The following MRPL49 variants were observed in gnomAD, a reference collection of about 807,000 sequenced individuals.
MRPL49 encodes mitochondrial ribosomal protein L49.
MRPL49 carries 14 observed loss-of-function variants against 18.4 expected under a neutral mutation model. The observed-to-expected ratio is 0.76, with a 90% CI of 0.50 to 1.19. The LOEUF (loss-of-function observed/expected upper bound fraction) is 1.19. Among genes scored for constraint, MRPL49 ranks in the 50% most tolerant of loss-of-function variants. The probability of loss-of-function intolerance (pLI) is 0.00; values close to 1 mark genes in which losing one functional copy is unlikely to be tolerated. For synonymous variants in MRPL49, 104 were observed against 86.2 expected (o/e 1.21, Z -1.14); for missense variants, 190 against 217.8 (o/e 0.87, Z 0.80).
chr11:65,126,852 C>A lies in MRPL49; in HGVS notation c.*980C>A. 1.7e-6 allele frequency: 1 copy of A among 582,022 alleles called. No homozygotes were observed. Among genetic ancestry groups the A allele is most frequent in the South Asian group, 2.1e-5 (1 of 47,860 alleles). 36.1% of individuals were successfully genotyped at this position (582,022 alleles called of 1,614,324 possible). A position where few individuals can be genotyped will look rare whatever the true frequency, so the allele number is the denominator to read the frequency against. On this transcript the variant is annotated 3_prime_UTR_variant, in exon 4 of 4. Transcript: ENST00000279242. The stretch of plus-strand genomic sequence containing the variant: ...ACTCACAGCCAGCATAGGGACATCC[C>A]CCTGCAGCCTTCTGACCTGCAATCA...
At chr11:65,125,323 C>T (rs1041744621) in intron 2 of MRPL49, 165 bp from the exon 3 acceptor site, 2 of 806,338 alleles carry the variant, frequency 2.5e-6, no homozygotes, top group East Asian at 5.3e-5. Flanking sequence ...ACAATTTGGT[C>T]CTGACTCCAA....
chr11:65,124,415 G>T (rs565417401), intron 1 of MRPL49, 87 bp from the exon 2 acceptor site: 2 of 1,300,556 alleles, frequency 1.5e-6, no homozygotes, highest in African/African-American at 2.9e-5. Flanking sequence ...CTCTCTGCCT[G>T]TAATGTTTCC....
Position 65,126,889 on chromosome 11 carries a change from G to A in MRPL49, c.*1017G>A. 1 of 597,442 alleles carries A rather than the reference G, an allele frequency of 1.7e-6. No individual in the cohort carries two copies. The highest frequency in any genetic ancestry group is 3.0e-6 in the Non-Finnish European group (1 of 332,888). The allele number at this position is 597,442 out of a possible 1,614,324, so 37.0% of individuals were successfully genotyped here. A position where few individuals can be genotyped will look rare whatever the true frequency, so the allele number is the denominator to read the frequency against. ...CTGACCTGCAATCAAGGCTGGGGAGGGGTTTGCAGGCAGGAATATGCTGAC... is the reference window on the plus strand; with the variant it reads ...CTGACCTGCAATCAAGGCTGGGGAGAGGTTTGCAGGCAGGAATATGCTGAC... On this transcript the variant is annotated 3_prime_UTR_variant, in exon 4 of 4. Transcript: ENST00000279242.
intron 1 of MRPL49, 165 bp downstream of exon 1, chr11:65,122,589 T>G (rs540944800): frequency 1.9e-5 from 12 of 642,202 alleles, no homozygotes; most frequent in African/African-American, 1.8e-4. Flanking sequence ...AGAGGGAAAA[T>G]GGTAGACTGG....
Position 65,125,875 on chromosome 11 carries a change from C to T in MRPL49, c.*3C>T. ...GGCTCTTGGAGAAAGGCTTCTGAGG[C>T]CCAGCCGAGCAGCCTGCTTGTCAGC... On this transcript the variant is annotated 3_prime_UTR_variant, in exon 4 of 4. Transcript: ENST00000279242. The T allele has an allele frequency of 6.2e-7, 1 of 1,602,174 alleles. No homozygotes were observed. Among genetic ancestry groups the T allele is most frequent in the Non-Finnish European group, 8.5e-7 (1 of 1,172,996 alleles).
rs769845930 is a variant in MRPL49, at chr11:65,125,448, G to A, written c.230-40G>A. ...GGCCTTGGCTGAGGTGGGATGGCAC[G>A]TAGGAAGAGTTGATTTAACAGTGTC... On this transcript the variant is annotated intron_variant, in intron 2 of 3. Coordinates refer to ENST00000279242, the MANE Select transcript of MRPL49 (RefSeq NM_004927.4). 2.0e-5 allele frequency: 32 copies of A among 1,611,498 alleles called. No individual in the cohort carries two copies. In the East Asian group the frequency reaches 2.7e-4, roughly 13 times the overall value.
chr11:65,122,344 A>C lies in MRPL49; in HGVS notation c.-3A>C, dbSNP rs764635198. 2 of 1,612,184 alleles carry C rather than the reference A, an allele frequency of 1.2e-6. No homozygotes were observed. Among genetic ancestry groups the C allele is most frequent in the Non-Finnish European group, 1.7e-6 (2 of 1,179,364 alleles). ...GCACAGAAGGCTGGCGTAGCAGGTA[A>C]AGATGGCAGCTACCATGTTCCGGGC... On this transcript the variant is annotated 5_prime_UTR_variant, in exon 1 of 4. Coordinates refer to ENST00000279242, the MANE Select transcript of MRPL49 (RefSeq NM_004927.4).
At chr11:65,124,167 G>A (rs1352844089) in intron 1 of MRPL49, among the ~76,000 whole-genome samples, 1 of 152,220 alleles carries the variant, frequency 6.6e-6, no homozygotes, top group Non-Finnish European at 1.5e-5. Context: ...GATTACAGGC[G>A]TGAGCCACCT....
chr11:65,122,620 A>G, intron 1 of MRPL49, 196 bp downstream of exon 1: 1 of 589,818 alleles, frequency 1.7e-6, no homozygotes, highest in Admixed American at 3.0e-5. Context: ...GGGAGCACTT[A>G]ACACAGTGCC....
Position 65,127,104 on chromosome 11 carries a change from G to C in MRPL49, c.*1232G>C, listed in dbSNP as rs1382023302. The C allele has an allele frequency of 4.3e-6, 3 of 696,338 alleles. No individual in the cohort carries two copies. The highest frequency in any genetic ancestry group is 3.5e-5 in the African/African-American group (2 of 56,894). 43.1% of individuals were successfully genotyped at this position (696,338 alleles called of 1,614,324 possible). ...GCACTGAACTCTGGGCTGCTTCTCT[G>C]TGTGTAAAATGGGCACATCTTCCTA... On this transcript the variant is annotated 3_prime_UTR_variant, in exon 4 of 4. Transcript: ENST00000279242.
At chr11:65,122,319 G>T (rs576919827), upstream of MRPL49, 4 of 1,607,166 alleles carry the variant, frequency 2.5e-6, no homozygotes, top group Non-Finnish European at 2.5e-6. Context: ...ACAGTTGCGC[G>T]CACAGAAGGC....
At chr11:65,122,604 C>T (rs1948062896) in intron 1 of MRPL49, 180 bp downstream of exon 1, 1 of 608,832 alleles carries the variant, frequency 1.6e-6, no homozygotes, top group Non-Finnish European at 2.9e-6. Flanking sequence ...GACTGGGGTG[C>T]TCTTTGGGAG....
chr11:65,125,893 T>A lies in MRPL49; in HGVS notation c.*21T>A, dbSNP rs11546366. 0.037 allele frequency: 58,849 copies of A among 1,593,970 alleles called. 1,381 individuals are homozygous for A. The highest frequency in any genetic ancestry group is 0.057 in the East Asian group (2,524 of 44,516). On this transcript the variant is annotated 3_prime_UTR_variant, in exon 4 of 4. Coordinates refer to ENST00000279242, the MANE Select transcript of MRPL49 (RefSeq NM_004927.4). ...TCTGAGGCCCAGCCGAGCAGCCTGC[T>A]TGTCAGCATGCCCTGTGGATCAAGT...
chr11:65,122,443 G>A lies in MRPL49; in HGVS notation c.78+19G>A, dbSNP rs1164607552. ...GCTGTTGGTGAGAGCGCTGAGCGAGGAGCTGAGGGCATCGCGTGGGTGTGA... is the reference window on the plus strand; with the variant it reads ...GCTGTTGGTGAGAGCGCTGAGCGAGAAGCTGAGGGCATCGCGTGGGTGTGA... On this transcript the variant is annotated intron_variant, in intron 1 of 3. Transcript: ENST00000279242. 1 of 1,606,242 alleles carries A rather than the reference G, an allele frequency of 6.2e-7. No individual in the cohort carries two copies. The highest frequency in any genetic ancestry group is 1.1e-5 in the South Asian group (1 of 90,118).
intron 3 of MRPL49, 44 bp downstream of exon 3, chr11:65,125,656 G>A: frequency 2.5e-6 from 4 of 1,613,240 alleles, no homozygotes; most frequent in Non-Finnish European, 3.4e-6. Flanking sequence ...ACCCTTTCAG[G>A]GCTGAAGGGA....
In MRPL49 at chr11:65,127,154, C is replaced by T; in HGVS notation, c.*1282C>T. The T allele has an allele frequency of 1.6e-6, 1 of 640,092 alleles. No individual in the cohort carries two copies. Among genetic ancestry groups the T allele is most frequent in the Non-Finnish European group, 2.8e-6 (1 of 354,694 alleles). 39.7% of individuals were successfully genotyped at this position (640,092 alleles called of 1,614,324 possible). On this transcript the variant is annotated 3_prime_UTR_variant, in exon 4 of 4. Transcript: ENST00000279242. ...AATCTGTTAATGGTCAGTGGTGTCC[C>T]CAAGGATAGTGCTGGCTTCCATGGA...
chr11:65,124,897 CAG>C (rs1948085836), intron 2 of MRPL49: 2 of 423,298 alleles, frequency 4.7e-6, no homozygotes, highest in Non-Finnish European at 8.3e-6. Flanking sequence ...AAGTAAACAA[CAG>C]AGAGAAAACC....
In MRPL49 at chr11:65,127,303, C is replaced by T. The variant is rs1590824292; in HGVS notation, c.*1431C>T. On this transcript the variant is annotated 3_prime_UTR_variant, in exon 4 of 4. Transcript: ENST00000279242. The stretch of plus-strand genomic sequence containing the variant: ...ATTGTTAATGCAAGTTTTTATTTGG[C>T]TGTATATACAATTTAAGCTATTAAA... The T allele has an allele frequency of 4.4e-6, 2 of 453,184 alleles. No homozygotes were observed. Among genetic ancestry groups the T allele is most frequent in the East Asian group, 7.1e-5 (2 of 28,186 alleles). 28.1% of individuals were successfully genotyped at this position (453,184 alleles called of 1,614,324 possible).
chr11:65,122,260 C>T (rs1948057708), upstream of MRPL49: 6 of 1,476,296 alleles, frequency 4.1e-6, no homozygotes, highest in South Asian at 2.4e-5. Context: ...ACGCTCGCAC[C>T]GGCGAACCTG....
Sources: gnomAD v4.1 joint callset for allele counts (sites outside exome capture counted in the v4.1 genomes callset) on GRCh38, gnomAD v4.1.1 for gene constraint, MANE v1.5 for transcripts, NCBI Gene and HGNC (gene_info 2026-07-23, HGNC 2026-07-21) for gene names.